Variants in UBE2D2 observed in about 807,000 individuals in gnomAD.
UBE2D2 encodes ubiquitin conjugating enzyme E2 D2.
A neutral mutation model predicts 24.2 loss-of-function variants in UBE2D2; 2 were observed. The observed-to-expected ratio is 0.08, with a 90% CI of 0.03 to 0.26. UBE2D2 has a LOEUF of 0.26. Among genes scored for constraint, UBE2D2 ranks in the 10% least tolerant of loss-of-function variants. The probability of loss-of-function intolerance (pLI) is 1.00; values close to 1 mark genes in which losing one functional copy is unlikely to be tolerated. For synonymous variants in UBE2D2, 58 were observed against 56.5 expected (o/e 1.03, Z -0.12); for missense variants, 44 against 177.6 (o/e 0.25, Z 4.28).
intron 1 of UBE2D2, among the ~76,000 whole-genome samples, chr5:139,577,132 C>T (rs1033485589): frequency 1.2e-4 from 18 of 152,032 alleles, no homozygotes; most frequent in Non-Finnish European, 5.9e-5. Flanking sequence ...TCAGACTCAT[C>T]ATTTTGAACA....
intron 2 of UBE2D2, among the ~76,000 whole-genome samples, chr5:139,610,505 A>C (rs1353392036): frequency 1.3e-5 from 2 of 151,464 alleles, no homozygotes; most frequent in Non-Finnish European, 2.9e-5. Flanking sequence ...ATGCCATTGC[A>C]CTCCAGCCTG....
chr5:139,548,187 A>AT lies in UBE2D2; in HGVS notation c.-64+21575_-64+21576insT, dbSNP rs1561498582. On this transcript the variant is annotated intron_variant, in intron 1 of 6. Transcript: ENST00000511725. ...TCAAAAAAAAAAAAAAAAAAAATAA[A>AT]AAAAAAAAATAAATAAATAAATAAA... Among the ~76,000 whole-genome samples, 28 of 49,292 alleles carry AT rather than the reference A, an allele frequency of 5.7e-4. No individual in the cohort carries two copies. The South Asian group carries it at 6.8e-3, about 12-fold the overall frequency. 32.3% of individuals were successfully genotyped at this position (49,292 alleles called of 152,430 possible).
intron 1 of UBE2D2, among the ~76,000 whole-genome samples, chr5:139,549,333 G>A (rs1009957581): frequency 1.3e-5 from 2 of 152,188 alleles, no homozygotes; most frequent in African/African-American, 4.8e-5. Flanking sequence ...TGCTTGCGGG[G>A]AGGTGTGGAG....
At chr5:139,528,549 A>G (rs1030959385) in intron 1 of UBE2D2, among the ~76,000 whole-genome samples, 8 of 152,226 alleles carry the variant, frequency 5.3e-5, no homozygotes, top group Non-Finnish European at 1.0e-4. Flanking sequence ...GGGTCCTGGC[A>G]GCAAGGGCCC....
intron 1 of UBE2D2, among the ~76,000 whole-genome samples, chr5:139,547,437 A>G (rs1207092128): frequency 6.6e-6 from 1 of 152,028 alleles, no homozygotes; most frequent in Admixed American, 6.6e-5. Flanking sequence ...GATGGTCTCA[A>G]TCTCTTGACC....
rs1472069522 is a variant in UBE2D2, at chr5:139,573,611, G to C, written c.24+11796G>C. On this transcript the variant is annotated intron_variant, in intron 1 of 6. Coordinates refer to ENST00000398733, the MANE Select transcript of UBE2D2 (RefSeq NM_003339.3). ...TCTGAAAAATGCCTGTTCTTTGCTTGTGTTTATTTTGAAATAATACGACTA... is the reference window on the plus strand; with the variant it reads ...TCTGAAAAATGCCTGTTCTTTGCTTCTGTTTATTTTGAAATAATACGACTA... Among the ~76,000 whole-genome samples, 4 of 152,094 alleles carry C rather than the reference G, an allele frequency of 2.6e-5. No individual in the cohort carries two copies. In the East Asian group the frequency reaches 5.8e-4, roughly 22 times the overall value.
At chr5:139,577,636 A>T (rs536401646) in intron 1 of UBE2D2, among the ~76,000 whole-genome samples, 1 of 151,950 alleles carries the variant, frequency 6.6e-6, no homozygotes, top group South Asian at 2.1e-4. Context: ...CTGGTCTCGA[A>T]CTCCTGACCT....
In UBE2D2 at chr5:139,548,163, CAAA is replaced by C. The variant is rs749269739; in HGVS notation, c.-64+21569_-64+21571del. On this transcript the variant is annotated intron_variant, in intron 1 of 6. Transcript: ENST00000511725. ...TGGGCGACAGAGCGAGACTCCGTCT[CAAA>C]AAAAAAAAAAAAAAAAATAAAAAAA... Among the ~76,000 whole-genome samples, 3 of 32,964 alleles carry C rather than the reference CAAA, an allele frequency of 9.1e-5. No homozygotes were observed. In the Admixed American group the frequency reaches 1.3e-3, roughly 14 times the overall value. The allele number at this position is 32,964 out of a possible 152,430, so 21.6% of individuals were successfully genotyped here. A position where few individuals can be genotyped will look rare whatever the true frequency, so the allele number is the denominator to read the frequency against.
At chr5:139,557,588 A>G (rs1752999589), upstream of UBE2D2, among the ~76,000 whole-genome samples, 1 of 151,994 alleles carries the variant, frequency 6.6e-6, no homozygotes. Flanking sequence ...TCTCTACTAA[A>G]AAATACAAAA....
At chr5:139,609,120 A>G (rs1382215015) in intron 2 of UBE2D2, among the ~76,000 whole-genome samples, 1 of 152,210 alleles carries the variant, frequency 6.6e-6, no homozygotes. Flanking sequence ...AATTTTTCTA[A>G]TAACTTCTTA....
intron 1 of UBE2D2, among the ~76,000 whole-genome samples, chr5:139,550,983 T>C (rs1326906806): frequency 6.6e-6 from 1 of 152,106 alleles, no homozygotes; most frequent in African/African-American, 2.4e-5. Flanking sequence ...ACTACACGGC[T>C]CTCAGCACCA....
intron 1 of UBE2D2, among the ~76,000 whole-genome samples, chr5:139,544,911 G>A (rs1352319689): frequency 2.6e-5 from 4 of 151,914 alleles, no homozygotes. Flanking sequence ...CAAGTAGCTG[G>A]GACTACAGGT....
chr5:139,607,708 A>G (rs1053666137), intron 2 of UBE2D2, among the ~76,000 whole-genome samples: 2 of 152,190 alleles, frequency 1.3e-5, no homozygotes, highest in Non-Finnish European at 2.9e-5. Context: ...AAAGTTCACA[A>G]TAATGTAAGA....
chr5:139,574,972 G>A (rs180761968), intron 1 of UBE2D2, among the ~76,000 whole-genome samples: 215 of 152,182 alleles, frequency 1.4e-3, no homozygotes, highest in Admixed American at 2.7e-3. Context: ...CACAGTACCC[G>A]ATACTTAGAA....
chr5:139,544,255 CAA>C (rs1188635150), intron 1 of UBE2D2, among the ~76,000 whole-genome samples: 1 of 149,664 alleles, frequency 6.7e-6, no homozygotes, highest in Non-Finnish European at 1.5e-5. Context: ...CTCAGCCTCA[CAA>C]AGTGCTGAGA....
rs143263591 is a variant in UBE2D2 at position 139,545,483 on chromosome 5, A to G, written c.-64+18871A>G. On this transcript the variant is annotated intron_variant, in intron 1 of 6. Transcript: ENST00000511725. Reference sequence around the variant, plus strand: ...GCTCTGTTGCCCAGGCTGGAGCACAATGGCATGATCTAGGCTCACTGCAAC... The same window carrying G: ...GCTCTGTTGCCCAGGCTGGAGCACAGTGGCATGATCTAGGCTCACTGCAAC... Among the ~76,000 whole-genome samples the G allele has an allele frequency of 5.9e-3, 878 of 148,398 alleles. 13 individuals are homozygous for G. Among genetic ancestry groups the G allele is most frequent in the African/African-American group, 0.019 (747 of 40,078 alleles).
intron 1 of UBE2D2, among the ~76,000 whole-genome samples, chr5:139,593,913 G>A (rs1753906378): frequency 1.3e-5 from 2 of 152,164 alleles, no homozygotes; most frequent in Admixed American, 1.3e-4. Flanking sequence ...ACCGTGCCTA[G>A]CCCTGAAATT....
At chr5:139,560,028 G>A (rs1412500194), upstream of UBE2D2, among the ~76,000 whole-genome samples, 3 of 150,284 alleles carry the variant, frequency 2.0e-5, no homozygotes, top group African/African-American at 4.9e-5. Flanking sequence ...TCTGGAGCAC[G>A]AGGTTGGTTT....
At chr5:139,564,154 A>G (rs1753168144) in intron 1 of UBE2D2, among the ~76,000 whole-genome samples, 1 of 152,106 alleles carries the variant, frequency 6.6e-6, no homozygotes, top group Non-Finnish European at 1.5e-5. Flanking sequence ...GTTTAGAAAT[A>G]ATTTGAACTT....
Sources: gnomAD v4.1 joint callset for allele counts (sites outside exome capture counted in the v4.1 genomes callset) on GRCh38, gnomAD v4.1.1 for gene constraint, MANE v1.5 for transcripts, NCBI Gene and HGNC (gene_info 2026-07-23, HGNC 2026-07-21) for gene names.